SEMA4F: variants seen among roughly 807,000 people sequenced by gnomAD.
The protein encoded by SEMA4F is ssemaphorin 4F.
In SEMA4F, 51 loss-of-function variants were observed where a neutral mutation model predicts 78.4. That is an observed-to-expected ratio of 0.65 (90% CI 0.52 to 0.82). The LOEUF is 0.82. SEMA4F is among the 40% of genes least tolerant of loss of function. The pLI is 0.00. For missense variants in SEMA4F, 938 were observed against 1,014.4 expected (o/e 0.92, Z 1.02); for synonymous variants, 418 against 408.7 (o/e 1.02, Z -0.27).
chr2:74,675,142 C>CA lies in SEMA4F; in HGVS notation c.1150-19dup. 2.5e-6 allele frequency: 4 copies of CA among 1,613,926 alleles called. No homozygotes were observed. Among genetic ancestry groups the CA allele is most frequent in the Non-Finnish European group, 3.4e-6 (4 of 1,179,888 alleles). ...TCCTGTTCCTGGGAAACTTTGTCAC[C>CA]AGCCCTGTATTTCCTCTAGTGCATC... On this transcript the variant is annotated intron_variant, in intron 9 of 13. Coordinates refer to ENST00000357877, the MANE Select transcript of SEMA4F (RefSeq NM_004263.5).
chr2:74,673,735 A>C lies in SEMA4F; in HGVS notation c.729A>C (p.Gly243=), dbSNP rs761543814. The change falls in exon 7 of 14, where the codon GGA becomes GGC. Residue 243 remains glycine (G), a synonymous_variant. Coordinates refer to ENST00000357877, the MANE Select transcript of SEMA4F (RefSeq NM_004263.5). ...LSPAEWGDED[G]DDEIYFFFTE... ...CAGCCGAATGGGGGGATGAAGATGG[A>C]GACGACGAAATCTACTTCTTCTTTA... 2 of 1,614,034 alleles carry C rather than the reference A, an allele frequency of 1.2e-6. No homozygotes were observed. The highest frequency in any genetic ancestry group is 2.7e-5 in the African/African-American group (2 of 74,880).
At chr2:74,668,993 G>C (rs1020396803) in intron 5 of SEMA4F, among the ~76,000 whole-genome samples, 1 of 151,232 alleles carries the variant, frequency 6.6e-6, no homozygotes, top group Non-Finnish European at 1.5e-5. Flanking sequence ...AGGTGTGGTA[G>C]CTCACACCTG....
chr2:74,704,342 T>C, the SEMA4F span, among the ~76,000 whole-genome samples: 49,964 of 145,466 alleles, frequency 0.34, 14,373 homozygotes, highest in East Asian at 0.82. Context: ...TCTAGTATGA[T>C]GCATGGGTTG....
At chr2:74,706,388 C>T in the SEMA4F span, among the ~76,000 whole-genome samples, 1 of 152,156 alleles carries the variant, frequency 6.6e-6, no homozygotes, top group Admixed American at 6.5e-5. Context: ...AACCCACAAA[C>T]CCAAAGACTT....
chr2:74,687,127 T>G (rs78126810), downstream of SEMA4F, among the ~76,000 whole-genome samples: 510 of 152,318 alleles, frequency 3.3e-3, 12 homozygotes, highest in East Asian at 0.048. Context: ...AGGACCTCTG[T>G]CCATCTATCT....
intron 5 of SEMA4F, among the ~76,000 whole-genome samples, chr2:74,671,783 A>G (rs957867072): frequency 6.6e-6 from 1 of 152,186 alleles, no homozygotes; most frequent in African/African-American, 2.4e-5. Context: ...TTATTCTATC[A>G]TTTGCTGGCT....
intron 5 of SEMA4F, among the ~76,000 whole-genome samples, chr2:74,668,279 A>G (rs1357789366): frequency 6.6e-6 from 1 of 152,196 alleles, no homozygotes; most frequent in Non-Finnish European, 1.5e-5. Flanking sequence ...GAGCTCTGCA[A>G]ATGTTCCAGA....
At chr2:74,706,693 T>G in the SEMA4F span, among the ~76,000 whole-genome samples, 1 of 152,226 alleles carries the variant, frequency 6.6e-6, no homozygotes, top group Non-Finnish European at 1.5e-5. Flanking sequence ...TTGATTCATA[T>G]TTCACGGTTA....
intron 5 of SEMA4F, among the ~76,000 whole-genome samples, chr2:74,666,710 T>C (rs979114176): frequency 1.3e-5 from 2 of 152,186 alleles, no homozygotes; most frequent in Non-Finnish European, 2.9e-5. Flanking sequence ...GTTTTGAAAA[T>C]AGCAGTATAG....
In SEMA4F at chr2:74,669,321, C is replaced by T. The variant is rs532964553; in HGVS notation, c.551-4136C>T. On this transcript the variant is annotated intron_variant, in intron 5 of 13. Coordinates refer to ENST00000357877, the MANE Select transcript of SEMA4F (RefSeq NM_004263.5). ...AAAAAGTAGGCTGGGCATGGTGGCT[C>T]ACGCCTGTAATCCCAGTACTTTGGT... Among the ~76,000 whole-genome samples the T allele has an allele frequency of 3.1e-4, 47 of 151,798 alleles. No individual in the cohort carries two copies. In the South Asian group the frequency reaches 5.4e-3, roughly 17 times the overall value.
chr2:74,672,293 G>C (rs1306204602), intron 5 of SEMA4F, among the ~76,000 whole-genome samples: 1 of 152,096 alleles, frequency 6.6e-6, no homozygotes, highest in Non-Finnish European at 1.5e-5. Context: ...CTTCCATCTG[G>C]CAAATTTCTC....
In SEMA4F at chr2:74,673,457, G is replaced by T. The variant is rs749495903; in HGVS notation, c.551G>T (p.Gly184Val). Reference protein sequence around the residue: ...PAQRSAAVMAGGVLYAATVKN... With the variant: ...PAQRSAAVMAVGVLYAATVKN... ...CCATCTCCTCCCTGTCGCCCTGCAG[G>T]GGGGGTCCTCTATGCTGCCACTGTG... The change falls in exon 6 of 14, where the codon GGG (glycine) becomes GTG (valine). Residue 184 changes from glycine (G) to valine (V), a missense_variant and splice_region_variant. Transcript: ENST00000357877. The T allele has an allele frequency of 2.5e-6, 4 of 1,613,900 alleles. No homozygotes were observed. The highest frequency in any genetic ancestry group is 1.7e-5 in the Admixed American group (1 of 60,002).
chr2:74,683,206 TG>T lies in SEMA4F; in HGVS notation c.*2999del, dbSNP rs1384627305. The T allele has an allele frequency of 6.6e-6, 1 of 152,276 alleles. No homozygotes were observed. Among genetic ancestry groups the T allele is most frequent in the Non-Finnish European group, 1.5e-5 (1 of 68,078 alleles). 9.4% of individuals were successfully genotyped at this position (152,276 alleles called of 1,614,324 possible). ...AAGATTAATGATTGAGAAGGATGAT[TG>T]GACCTGTCTAGTCAGGGAGGCTGAG... On this transcript the variant is annotated 3_prime_UTR_variant, in exon 14 of 14. Transcript: ENST00000357877.
At chr2:74,706,869 A>T in the SEMA4F span, among the ~76,000 whole-genome samples, 1 of 152,146 alleles carries the variant, frequency 6.6e-6, no homozygotes, top group South Asian at 2.1e-4. Context: ...CACTCATCAA[A>T]GAGCCAAATG....
intron 5 of SEMA4F, among the ~76,000 whole-genome samples, chr2:74,668,671 C>G (rs188990698): frequency 6.7e-6 from 1 of 149,214 alleles, no homozygotes. Flanking sequence ...AGTGCAGTGG[C>G]GTGATCTTGG....
chr2:74,665,518 C>T (rs13417482), intron 5 of SEMA4F, among the ~76,000 whole-genome samples: 3,687 of 151,784 alleles, frequency 0.024, 127 homozygotes, highest in African/African-American at 0.074. Context: ...CATGAGCCAC[C>T]GCACCCAGCC....
At chr2:74,697,531 C>T in the SEMA4F span, among the ~76,000 whole-genome samples, 2 of 152,128 alleles carry the variant, frequency 1.3e-5, no homozygotes, top group African/African-American at 2.4e-5. Context: ...CCTCTTACTA[C>T]CCTCTTCTCT....
intron 4 of SEMA4F, among the ~76,000 whole-genome samples, chr2:74,661,570 TGA>T (rs1359527136): frequency 1.3e-5 from 2 of 152,208 alleles, no homozygotes; most frequent in African/African-American, 4.8e-5. Context: ...TCTTCTCAGG[TGA>T]GGATGCTCCC....
chr2:74,691,811 G>A, the SEMA4F span, among the ~76,000 whole-genome samples: 1 of 152,210 alleles, frequency 6.6e-6, no homozygotes, highest in Non-Finnish European at 1.5e-5. Flanking sequence ...TAGGAAGCTG[G>A]TTCTGGATAG....
Sources: gnomAD v4.1 joint callset for allele counts (sites outside exome capture counted in the v4.1 genomes callset) on GRCh38, gnomAD v4.1.1 for gene constraint, MANE v1.5 for transcripts, NCBI Gene and HGNC (gene_info 2026-07-23, HGNC 2026-07-21) for gene names.